TAFA1: variants seen among roughly 807,000 people sequenced by gnomAD.
The protein encoded by TAFA1 is chemokine-like protein TAFA-1.
A neutral mutation model predicts 18.5 loss-of-function variants in TAFA1; 4 were observed. The ratio of observed to expected loss-of-function variants is 0.22; its 90% CI spans 0.11 to 0.49. The LOEUF is 0.49. TAFA1 is among the 20% of genes least tolerant of loss of function. The probability of loss-of-function intolerance (pLI) is 0.98; values close to 1 mark genes in which losing one functional copy is unlikely to be tolerated. For missense variants in TAFA1, 147 were observed against 169.0 expected (o/e 0.87, Z 0.72); for synonymous variants, 56 against 55.2 (o/e 1.01, Z -0.06).
intron 2 of TAFA1, among the ~76,000 whole-genome samples, chr3:68,017,106 A>G (rs995466136): frequency 1.3e-5 from 2 of 152,244 alleles, no homozygotes; most frequent in Admixed American, 6.5e-5. Context: ...AGCAAAAAGT[A>G]TAAATAAATC....
At chr3:68,377,046 T>C (rs1480594171) in intron 2 of TAFA1, among the ~76,000 whole-genome samples, 1 of 152,186 alleles carries the variant, frequency 6.6e-6, no homozygotes, top group Non-Finnish European at 1.5e-5. Context: ...TCCCAAGCCA[T>C]ATGGAACTGT....
intron 2 of TAFA1, among the ~76,000 whole-genome samples, chr3:68,121,851 G>T (rs549120417): frequency 2.0e-5 from 3 of 152,184 alleles, no homozygotes; most frequent in East Asian, 1.9e-4. Flanking sequence ...CTGTAATTTT[G>T]CAGGCATCCT....
intron 2 of TAFA1, among the ~76,000 whole-genome samples, 195 bp from the exon 3 acceptor site, chr3:68,417,085 T>C (rs3749216): frequency 0.025 from 3,873 of 152,320 alleles, 79 homozygotes; most frequent in East Asian, 0.093. Flanking sequence ...TGGTATTCTT[T>C]GCTGGTTTGG....
intron 2 of TAFA1, among the ~76,000 whole-genome samples, chr3:68,316,012 A>G (rs1155324): frequency 0.11 from 16,499 of 152,256 alleles, 1,275 homozygotes; most frequent in East Asian, 0.36. Context: ...GCATATAATG[A>G]AAGCATGACA....
intron 3 of TAFA1, among the ~76,000 whole-genome samples, chr3:68,496,698 C>A (rs544959901): frequency 6.6e-6 from 1 of 152,186 alleles, no homozygotes; most frequent in African/African-American, 2.4e-5. Flanking sequence ...AATATGGGAC[C>A]CAAGTGTCAA....
chr3:68,262,836 C>A (rs1411019334), intron 2 of TAFA1, among the ~76,000 whole-genome samples: 3 of 152,086 alleles, frequency 2.0e-5, no homozygotes, highest in Non-Finnish European at 4.4e-5. Context: ...GCTGTGAACA[C>A]TTTTGGGACT....
chr3:68,532,745 G>A (rs372945516), intron 3 of TAFA1, among the ~76,000 whole-genome samples: 1 of 152,042 alleles, frequency 6.6e-6, no homozygotes, highest in South Asian at 2.1e-4. Context: ...TAACCTGAAG[G>A]TTTTCAGGTA....
intron 2 of TAFA1, among the ~76,000 whole-genome samples, chr3:68,277,540 G>T (rs1000730054): frequency 6.6e-6 from 1 of 152,092 alleles, no homozygotes; most frequent in Non-Finnish European, 1.5e-5. Context: ...GCTCATAAAA[G>T]AGCTTTCTCC....
chr3:68,090,659 G>A (rs1226243295), intron 2 of TAFA1, among the ~76,000 whole-genome samples: 1 of 152,048 alleles, frequency 6.6e-6, no homozygotes, highest in African/African-American at 2.4e-5. Flanking sequence ...AACCTCAGAG[G>A]GCAAAAATTA....
chr3:68,074,993 A>C (rs1346996878), intron 2 of TAFA1, among the ~76,000 whole-genome samples: 1 of 152,210 alleles, frequency 6.6e-6, no homozygotes, highest in Non-Finnish European at 1.5e-5. Flanking sequence ...TGAACCTGGC[A>C]GGTGACAAAA....
At chr3:68,492,871 G>A (rs2072477697) in intron 3 of TAFA1, among the ~76,000 whole-genome samples, 1 of 152,142 alleles carries the variant, frequency 6.6e-6, no homozygotes, top group Non-Finnish European at 1.5e-5. Flanking sequence ...ACATTAGTCT[G>A]ATTAGAAGGA....
chr3:68,389,484 T>C (rs1228333357), intron 2 of TAFA1, among the ~76,000 whole-genome samples: 21 of 152,340 alleles, frequency 1.4e-4, no homozygotes, highest in Admixed American at 1.4e-3. Context: ...TTGATATTAC[T>C]GGGTCAAAGG....
chr3:68,027,225 G>C (rs146050448), intron 2 of TAFA1, among the ~76,000 whole-genome samples: 1 of 152,116 alleles, frequency 6.6e-6, no homozygotes, highest in African/African-American at 2.4e-5. Context: ...TCTCTAAGAC[G>C]TGAGAGGTTT....
intron 2 of TAFA1, among the ~76,000 whole-genome samples, chr3:68,310,225 C>G (rs2068491461): frequency 6.6e-6 from 1 of 151,992 alleles, no homozygotes; most frequent in Non-Finnish European, 1.5e-5. Context: ...ATAACCAAAC[C>G]ATAGACTTCA....
chr3:68,187,176 C>T (rs1464834237), intron 2 of TAFA1, among the ~76,000 whole-genome samples: 1 of 151,890 alleles, frequency 6.6e-6, no homozygotes, highest in Non-Finnish European at 1.5e-5. Context: ...TTACGTGTGT[C>T]CTCCATGCAA....
intron 2 of TAFA1, among the ~76,000 whole-genome samples, chr3:68,340,208 C>G (rs1019523600): frequency 6.6e-6 from 1 of 152,158 alleles, no homozygotes; most frequent in Non-Finnish European, 1.5e-5. Context: ...AGATCACAGC[C>G]TATCATTTGT....
At chr3:68,142,914 A>ATTT (rs5849805) in intron 2 of TAFA1, among the ~76,000 whole-genome samples, 7 of 148,348 alleles carry the variant, frequency 4.7e-5, no homozygotes, top group Non-Finnish European at 7.5e-5. Context: ...GGAAATCGTT[A>ATTT]TTTTTTTTTT....
intron 2 of TAFA1, among the ~76,000 whole-genome samples, chr3:68,169,026 A>C (rs371637125): frequency 2.0e-5 from 3 of 152,236 alleles, no homozygotes; most frequent in East Asian, 3.8e-4. Flanking sequence ...ATAAGTTTTT[A>C]TATCCTAAAC....
At chr3:68,290,281 G>A (rs2068083665) in intron 2 of TAFA1, among the ~76,000 whole-genome samples, 1 of 152,088 alleles carries the variant, frequency 6.6e-6, no homozygotes, top group South Asian at 2.1e-4. Flanking sequence ...TAGTATTAAT[G>A]TTCTATGGAA....
Sources: allele counts gnomAD v4.1 joint callset (sites outside exome capture counted in the v4.1 genomes callset), GRCh38; gene constraint gnomAD v4.1.1; transcripts MANE v1.5; gene names NCBI Gene and HGNC (gene_info 2026-07-23, HGNC 2026-07-21).